Variants in GRIK2 observed in about 807,000 individuals in gnomAD.
GRIK2 encodes the protein glutamate receptor ionotropic, kainate 2.
Under a neutral mutation model 100.3 loss-of-function variants are expected in GRIK2, and 32 were observed. That is an observed-to-expected ratio of 0.32 (90% CI 0.24 to 0.43). GRIK2 has a LOEUF of 0.43. GRIK2 is among the 20% of genes least tolerant of loss of function. The pLI is 1.00. For synonymous variants in GRIK2, 417 were observed against 389.4 expected, an observed-to-expected ratio of 1.07 and a Z score of -0.83; for missense variants, 843 against 1,114.9, an observed-to-expected ratio of 0.76 and a Z score of 3.47.
At position 101,966,225 on chromosome 6, in the gene GRIK2, T is replaced by C. The variant is rs182594656; in HGVS notation, c.2085+37593T>C. The stretch of plus-strand genomic sequence containing the variant: ...CAATGTACTTTGTATTTTAACAAAT[T>C]GTTTAGCTAAGGAAGAAAACAATTT... On this transcript the variant is annotated intron_variant, in intron 14 of 16. Transcript: ENST00000369134. Among the ~76,000 whole-genome samples the C allele has an allele frequency of 2.7e-3, 415 of 152,308 alleles. 2 individuals are homozygous for C. Among genetic ancestry groups the C allele is most frequent in the African/African-American group, 9.7e-3 (402 of 41,602 alleles).
chr6:101,518,119 T>TA (rs1380812012), intron 2 of GRIK2, among the ~76,000 whole-genome samples: 1 of 152,140 alleles, frequency 6.6e-6, no homozygotes, highest in Non-Finnish European at 1.5e-5. Flanking sequence ...TTTGAGTTAT[T>TA]AAAATTGTAA....
At chr6:101,929,506 T>C (rs1484275355) in intron 14 of GRIK2, among the ~76,000 whole-genome samples, 2 of 152,144 alleles carry the variant, frequency 1.3e-5, no homozygotes, top group African/African-American at 2.4e-5. Context: ...ATTCAAGCTA[T>C]AAAATAAATT....
intron 7 of GRIK2, among the ~76,000 whole-genome samples, chr6:101,748,580 TTA>T (rs1776590702): frequency 6.6e-6 from 1 of 152,028 alleles, no homozygotes; most frequent in Non-Finnish European, 1.5e-5. Context: ...TTATATAAAT[TTA>T]TCTTTTTCCA....
intron 14 of GRIK2, among the ~76,000 whole-genome samples, chr6:102,005,455 C>A (rs1795164867): frequency 6.6e-6 from 1 of 151,894 alleles, no homozygotes; most frequent in Non-Finnish European, 1.5e-5. Flanking sequence ...GGATCTATGC[C>A]TAAGTGTGAT....
chr6:101,803,239 C>G (rs1237856174), intron 9 of GRIK2, among the ~76,000 whole-genome samples: 2 of 151,774 alleles, frequency 1.3e-5, no homozygotes, highest in East Asian at 3.9e-4. Flanking sequence ...ATGAAACATG[C>G]AGCTTTATTT....
chr6:101,949,420 T>C (rs1046320896), intron 14 of GRIK2, among the ~76,000 whole-genome samples: 41 of 152,158 alleles, frequency 2.7e-4, no homozygotes, highest in African/African-American at 9.9e-4. Flanking sequence ...AGAATGTGCA[T>C]GTTTGTTACA....
chr6:101,921,010 A>G (rs953824233), intron 12 of GRIK2, among the ~76,000 whole-genome samples: 4 of 152,074 alleles, frequency 2.6e-5, no homozygotes, highest in Non-Finnish European at 5.9e-5. Flanking sequence ...TGCTATGGAT[A>G]TGACAGCCTG....
intron 9 of GRIK2, among the ~76,000 whole-genome samples, chr6:101,811,143 C>T (rs1711713787): frequency 6.6e-6 from 1 of 151,992 alleles, no homozygotes; most frequent in African/African-American, 2.4e-5. Flanking sequence ...GGGGGCAACT[C>T]ATTACTGGAA....
intron 7 of GRIK2, among the ~76,000 whole-genome samples, chr6:101,750,389 A>G (rs1412171486): frequency 6.6e-6 from 1 of 152,074 alleles, no homozygotes; most frequent in East Asian, 1.9e-4. Context: ...TGCTTCCTTT[A>G]TTTTACCCTT....
At chr6:101,724,278 G>A (rs910890474) in intron 7 of GRIK2, among the ~76,000 whole-genome samples, 1 of 151,632 alleles carries the variant, frequency 6.6e-6, no homozygotes, top group South Asian at 2.1e-4. Context: ...TGGAGTTTAC[G>A]TTATCCCATC....
chr6:101,553,537 C>T (rs1776607864), intron 2 of GRIK2, among the ~76,000 whole-genome samples: 1 of 152,068 alleles, frequency 6.6e-6, no homozygotes, highest in African/African-American at 2.4e-5. Context: ...ATACCACCAT[C>T]AAAAGTTTAA....
intron 10 of GRIK2, among the ~76,000 whole-genome samples, chr6:101,822,991 C>T (rs1255702775): frequency 6.6e-6 from 1 of 152,090 alleles, no homozygotes; most frequent in East Asian, 1.9e-4. Flanking sequence ...ATCCAGAAGT[C>T]CCACATATGC....
rs149569516 is a variant in GRIK2, at chr6:101,568,361, A to G, written c.116-53588A>G. Among the ~76,000 whole-genome samples the G allele has an allele frequency of 6.9e-3, 1,057 of 152,094 alleles. 18 individuals carry two copies. Among genetic ancestry groups the G allele is most frequent in the African/African-American group, 0.024 (1,003 of 41,520 alleles). On this transcript the variant is annotated intron_variant, in intron 2 of 16. Coordinates refer to ENST00000369134, the MANE Select transcript of GRIK2 (RefSeq NM_021956.5). ...ATGGGTACCATTTCTATTAAATGCA[A>G]TTATCTAATTGGAAAAGTTGCAAAT... is the stretch of plus-strand genomic sequence containing the variant.
At chr6:101,946,082 T>C (rs1286232810) in intron 14 of GRIK2, among the ~76,000 whole-genome samples, 1 of 151,970 alleles carries the variant, frequency 6.6e-6, no homozygotes, top group Admixed American at 6.6e-5. Context: ...TGTTACAAAA[T>C]ATAACATATA....
intron 2 of GRIK2, among the ~76,000 whole-genome samples, chr6:101,410,582 G>A (rs938068239): frequency 2.0e-5 from 3 of 152,022 alleles, no homozygotes; most frequent in African/African-American, 7.2e-5. Flanking sequence ...AGACAAGAGA[G>A]GACAACCTAC....
At chr6:101,952,990 C>T (rs1791698199) in intron 14 of GRIK2, among the ~76,000 whole-genome samples, 1 of 152,182 alleles carries the variant, frequency 6.6e-6, no homozygotes, top group Non-Finnish European at 1.5e-5. Flanking sequence ...CACTAATCTG[C>T]TTCTGACTAT....
At chr6:101,504,203 C>T (rs2128275262) in intron 2 of GRIK2, among the ~76,000 whole-genome samples, 2 of 149,656 alleles carry the variant, frequency 1.3e-5, no homozygotes, top group Admixed American at 1.3e-4. Context: ...AGCATACTTT[C>T]CTGAGACATA....
chr6:101,529,661 A>G (rs998077729), intron 2 of GRIK2, among the ~76,000 whole-genome samples: 1 of 152,074 alleles, frequency 6.6e-6, no homozygotes, highest in African/African-American at 2.4e-5. Flanking sequence ...TGTGGAATCT[A>G]TAAAGAGGGT....
At chr6:101,967,661 T>C (rs1046463886) in intron 14 of GRIK2, among the ~76,000 whole-genome samples, 45 of 152,040 alleles carry the variant, frequency 3.0e-4, no homozygotes, top group African/African-American at 1.1e-3. Flanking sequence ...ATATCAGGTG[T>C]TTTCCTTCCC....
Sources: gnomAD v4.1 joint callset for allele counts (sites outside exome capture counted in the v4.1 genomes callset) on GRCh38, gnomAD v4.1.1 for gene constraint, MANE v1.5 for transcripts, NCBI Gene and HGNC (gene_info 2026-07-23, HGNC 2026-07-21) for gene names.